Variants in TRAF5 observed in about 807,000 individuals in gnomAD.
The protein encoded by TRAF5 is TNF receptor-associated factor 5.
Under a neutral mutation model 64.5 loss-of-function variants are expected in TRAF5, and 48 were observed. The ratio of observed to expected loss-of-function variants is 0.74; its 90% CI spans 0.59 to 0.95. TRAF5 has a LOEUF of 0.95. Among genes scored for constraint, TRAF5 ranks in the 40% least tolerant of loss-of-function variants. The pLI is 0.00. For missense variants in TRAF5, 545 were observed against 662.8 expected, an observed-to-expected ratio of 0.82 and a Z score of 1.95; for synonymous variants, 206 against 240.5, an observed-to-expected ratio of 0.86 and a Z score of 1.33.
chr1:211,371,213 A>T (rs1409619671), intron 9 of TRAF5, 89 bp from the exon 10 acceptor site: 1 of 1,179,882 alleles, frequency 8.5e-7, no homozygotes, highest in Non-Finnish European at 1.2e-6. Context: ...TAAATGTGAT[A>T]TGTTTGAATT....
rs1572051341 is a variant in TRAF5 at position 211,333,079 on chromosome 1, C to T, written c.-2+6190C>T. ...ACACTGGATCTTCCTAACAAGTGGA[C>T]CTCTCTAGCCCTCATCTCTTCTACC... On this transcript the variant is annotated intron_variant, in intron 1 of 10. Transcript: ENST00000261464. Among the ~76,000 whole-genome samples the T allele has an allele frequency of 1.3e-5, 2 of 152,352 alleles. 1 individual carries two copies. The highest frequency in any genetic ancestry group is 4.1e-4 in the South Asian group (2 of 4,826).
intron 1 of TRAF5, among the ~76,000 whole-genome samples, chr1:211,350,028 A>T (rs1219982331): frequency 6.6e-6 from 1 of 152,178 alleles, no homozygotes; most frequent in Non-Finnish European, 1.5e-5. Context: ...AGGGCTGTGC[A>T]TGTAAATAAA....
Position 211,372,596 on chromosome 1 carries a change from G to A in TRAF5, c.1568G>A (p.Arg523His), listed in dbSNP as rs758189643. The change falls in exon 11 of 11, where the codon CGC becomes CAC. Residue 523 changes from arginine (R) to histidine (H), a missense_variant. By Grantham distance (29) the Arg-to-His change is conservative. Coordinates refer to ENST00000261464, the MANE Select transcript of TRAF5 (RefSeq NM_001033910.3). ...ATGAACATTGCATCTGGCTGTCCCCGCTTTGTGGCTCATTCTGTTTTGGAG... is the reference window on the plus strand; with the variant it reads ...ATGAACATTGCATCTGGCTGTCCCCACTTTGTGGCTCATTCTGTTTTGGAG... ...GEMNIASGCP[R>H]FVAHSVLENA... 9.9e-6 allele frequency: 16 copies of A among 1,614,032 alleles called. No individual in the cohort carries two copies. The highest frequency in any genetic ancestry group is 4.5e-5 in the East Asian group (2 of 44,900).
chr1:211,345,600 C>G (rs1702584415), intron 1 of TRAF5, among the ~76,000 whole-genome samples: 1 of 152,212 alleles, frequency 6.6e-6, no homozygotes, highest in Non-Finnish European at 1.5e-5. Flanking sequence ...GCCCAGGACC[C>G]ATTGGTGGGC....
At chr1:211,342,227 CT>C (rs887187484) in intron 1 of TRAF5, among the ~76,000 whole-genome samples, 8 of 152,170 alleles carry the variant, frequency 5.3e-5, no homozygotes, top group African/African-American at 1.7e-4. Flanking sequence ...GGGCCAACCC[CT>C]GATGTATATA....
At chr1:211,371,506 A>G in intron 10 of TRAF5, 36 bp downstream of exon 10, 9 of 1,590,322 alleles carry the variant, frequency 5.7e-6, no homozygotes, top group Non-Finnish European at 7.7e-6. Flanking sequence ...TTGGTGACTC[A>G]TTTGTCTGCA....
chr1:211,332,351 C>G (rs1431663428), intron 1 of TRAF5, among the ~76,000 whole-genome samples: 1 of 152,192 alleles, frequency 6.6e-6, no homozygotes, highest in East Asian at 1.9e-4. Context: ...ATAAGGTTGA[C>G]CTGATGCAAA....
chr1:211,332,281 G>T (rs1056887941), intron 1 of TRAF5, among the ~76,000 whole-genome samples: 1 of 152,212 alleles, frequency 6.6e-6, no homozygotes, highest in African/African-American at 2.4e-5. Context: ...ACAAGCTCTG[G>T]CTTGATAGCC....
chr1:211,330,536 G>C (rs1165724681), intron 1 of TRAF5, among the ~76,000 whole-genome samples: 1 of 151,998 alleles, frequency 6.6e-6, no homozygotes, highest in Non-Finnish European at 1.5e-5. Context: ...TGAGTTTTCT[G>C]TTAGTAAGAA....
Position 211,372,635 on chromosome 1 carries a change from C to A in TRAF5, c.1607C>A (p.Ala536Asp). The change falls in exon 11 of 11, where the codon GCC (alanine) becomes GAC (aspartate). Residue 536 changes from alanine to aspartate, a missense_variant. Physicochemically the swap from Ala to Asp is moderately radical, Grantham distance 126. Transcript: ENST00000261464. ...TCTGTTTTGGAGAATGCCAAGAACG[C>A]CTACATTAAAGATGACACTCTGTTC... Reference protein sequence around the residue: ...AHSVLENAKNAYIKDDTLFLK... With the variant: ...AHSVLENAKNDYIKDDTLFLK... 5.6e-6 allele frequency: 9 copies of A among 1,614,144 alleles called. No homozygotes were observed. The highest frequency in any genetic ancestry group is 7.6e-6 in the Non-Finnish European group (9 of 1,180,024).
At chr1:211,347,885 C>T (rs757836899) in intron 1 of TRAF5, among the ~76,000 whole-genome samples, 2 of 152,194 alleles carry the variant, frequency 1.3e-5, no homozygotes, top group Non-Finnish European at 2.9e-5. Flanking sequence ...AGTTCAGTGA[C>T]CTTTTTCATT....
intron 3 of TRAF5, among the ~76,000 whole-genome samples, chr1:211,355,501 TC>T (rs1702931950): frequency 6.6e-6 from 1 of 152,168 alleles, no homozygotes; most frequent in Non-Finnish European, 1.5e-5. Context: ...GCAGAAGCTT[TC>T]CTTGAGCCTC....
At position 211,367,987 on chromosome 1, in the gene TRAF5, A is replaced by G. The variant is rs537952900; in HGVS notation, c.790-1465A>G. Among the ~76,000 whole-genome samples the G allele has an allele frequency of 9.2e-5, 14 of 152,342 alleles. 1 individual carries two copies. The South Asian group carries it at 2.9e-3, about 32-fold the overall frequency. ...ATAATGATGATTTATACACTAGAAT[A>G]TGGACAGGGTATCATGGAACTTGAG... On this transcript the variant is annotated intron_variant, in intron 8 of 10. Transcript: ENST00000261464.
At chr1:211,354,093 T>C (rs1333360667) in intron 2 of TRAF5, among the ~76,000 whole-genome samples, 1 of 152,238 alleles carries the variant, frequency 6.6e-6, no homozygotes, top group African/African-American at 2.4e-5. Flanking sequence ...ACCCCATGTC[T>C]GCCCTCTAGA....
rs1553272560 is a variant in TRAF5, at chr1:211,369,452, A to T, written c.790A>T (p.Ile264Phe). 5 of 1,577,228 alleles carry T rather than the reference A, an allele frequency of 3.2e-6. No homozygotes were observed. The East Asian group carries it at 9.1e-5, about 29-fold the overall frequency. ...LEKNVQLEEQISDLHKSLEQK... is the reference protein window; with the variant it reads ...LEKNVQLEEQFSDLHKSLEQK... ...TTTTTCCTCACGTTCCTGTTATTAG[A>T]TTTCTGACTTACACAAGAGCCTAGA... Residue 264 changes from isoleucine to phenylalanine, a missense_variant and splice_region_variant, in exon 9 of 11, where the codon ATT becomes TTT. Ile to Phe is a conservative substitution (Grantham distance 21). Transcript: ENST00000261464.
chr1:211,350,466 G>A (rs1011813663), intron 1 of TRAF5, among the ~76,000 whole-genome samples: 1 of 152,186 alleles, frequency 6.6e-6, no homozygotes, highest in African/African-American at 2.4e-5. Context: ...GAGAGGTCCA[G>A]GATGGTGCTG....
chr1:211,349,403 T>A (rs1369543259), intron 1 of TRAF5, among the ~76,000 whole-genome samples: 6 of 152,222 alleles, frequency 3.9e-5, no homozygotes, highest in Admixed American at 3.3e-4. Context: ...GGCAGCTTAT[T>A]GCTGCATCCT....
chr1:211,326,843 G>C lies in TRAF5; in HGVS notation c.-48G>C. ...CCGCCGGCCGCAGCCAGGAGCAGCAGCCGCGCCTGCAGACCGGCCTCGCGG... is the reference window on the plus strand; with the variant it reads ...CCGCCGGCCGCAGCCAGGAGCAGCACCCGCGCCTGCAGACCGGCCTCGCGG... On this transcript the variant is annotated 5_prime_UTR_variant, in exon 1 of 11. Transcript: ENST00000261464. The surrounding 1 kb of genome is among the most constrained non-coding windows in gnomAD (Gnocchi z 5.0). 1 of 984,720 alleles carries C rather than the reference G, an allele frequency of 1.0e-6. No individual in the cohort carries two copies. 61.0% of individuals were successfully genotyped at this position (984,720 alleles called of 1,614,324 possible).
chr1:211,355,284 C>T (rs1334685816), intron 3 of TRAF5, among the ~76,000 whole-genome samples: 4 of 151,950 alleles, frequency 2.6e-5, no homozygotes, highest in Non-Finnish European at 5.9e-5. Flanking sequence ...TTTTCCCTTT[C>T]TTGATCGTGT....
Sources: allele counts gnomAD v4.1 joint callset (sites outside exome capture counted in the v4.1 genomes callset), GRCh38; gene constraint gnomAD v4.1.1; non-coding constraint Gnocchi (gnomAD v3.1); transcripts MANE v1.5; gene names NCBI Gene and HGNC (gene_info 2026-07-23, HGNC 2026-07-21).